The following COL9A1 variants were observed in gnomAD, a reference collection of about 807,000 sequenced individuals.
The protein encoded by COL9A1 is collagen alpha-1(IX) chain.
In COL9A1, 104 loss-of-function variants were observed where a neutral mutation model predicts 142.6. The observed-to-expected ratio is 0.73, with a 90% CI of 0.62 to 0.86. The LOEUF (loss-of-function observed/expected upper bound fraction) is 0.86. Among genes scored for constraint, COL9A1 ranks in the 40% least tolerant of loss-of-function variants. The pLI is 0.00. For missense variants in COL9A1, 1,210 were observed against 1,176.6 expected (o/e 1.03, Z -0.42); for synonymous variants, 466 against 396.0 (o/e 1.18, Z -2.10).
intron 37 of COL9A1, among the ~76,000 whole-genome samples, chr6:70,218,222 T>C (rs1768651309): frequency 6.6e-6 from 1 of 152,338 alleles, no homozygotes; most frequent in East Asian, 1.9e-4. Context: ...AAGATATTAT[T>C]GATTAATGTC....
In COL9A1 at chr6:70,217,060, T is replaced by C; in HGVS notation, c.2603A>G (p.Tyr868Cys). Residue 868 changes from tyrosine (Y) to cysteine (C), a missense_variant, in exon 38 of 38, where the codon TAT becomes TGT. Tyr to Cys is a radical substitution (Grantham distance 194). Transcript: ENST00000357250. ...CTCACCGTCTCGGCCATTTCTGCCA[T>C]AGCTGGCAGGGCCTGGGTCACCTGA... ...GLPGDPGPASYGRNGRDGERG... is the reference protein window; with the variant it reads ...GLPGDPGPASCGRNGRDGERG... 2 of 1,614,078 alleles carry C rather than the reference T, an allele frequency of 1.2e-6. No homozygotes were observed. The highest frequency in any genetic ancestry group is 1.7e-6 in the Non-Finnish European group (2 of 1,180,016).
intron 5 of COL9A1, among the ~76,000 whole-genome samples, chr6:70,291,333 G>A (rs1030577707): frequency 3.9e-5 from 6 of 152,064 alleles, no homozygotes; most frequent in Non-Finnish European, 5.9e-5. Flanking sequence ...TCTTCTCCTA[G>A]ATGATGTTTT....
intron 21 of COL9A1, among the ~76,000 whole-genome samples, chr6:70,255,811 T>C (rs1172203104): frequency 2.2e-5 from 3 of 134,688 alleles, no homozygotes. Flanking sequence ...TCTGTCGAAG[T>C]GATCTAGCTA....
In COL9A1 at chr6:70,295,602, T is replaced by A. The variant is rs115835357; in HGVS notation, c.300-1039A>T. ...TGCATCCGGCCCAGTTGTTCCTTAATCTGCCAACTAAGTCTGTATCATTGC... is the reference window on the plus strand; with the variant it reads ...TGCATCCGGCCCAGTTGTTCCTTAAACTGCCAACTAAGTCTGTATCATTGC... On this transcript the variant is annotated intron_variant, in intron 4 of 37. Transcript: ENST00000357250. 6.7e-3 allele frequency among the ~76,000 whole-genome samples: 1,026 copies of A among 152,222 alleles called. 15 individuals are homozygous for A. The highest frequency in any genetic ancestry group is 0.023 in the African/African-American group (951 of 41,546).
chr6:70,241,477 CT>C (rs1562296931), intron 30 of COL9A1, 23 bp from the exon 31 acceptor site: 1 of 1,599,120 alleles, frequency 6.3e-7, no homozygotes. Context: ...AAATATAATA[CT>C]TTTTCAGTAT....
At chr6:70,281,540 C>T in intron 7 of COL9A1, 76 bp from the exon 8 acceptor site, 1 of 1,178,686 alleles carries the variant, frequency 8.5e-7, no homozygotes, top group South Asian at 1.4e-5. Context: ...GCCCTGAAGC[C>T]CCCGCCTCCG....
chr6:70,249,949 G>A (rs557920872), intron 28 of COL9A1, among the ~76,000 whole-genome samples: 6 of 152,074 alleles, frequency 3.9e-5, no homozygotes, highest in South Asian at 4.1e-4. Context: ...TAACTATATA[G>A]AGCTTTCTGC....
chr6:70,277,526 T>G (rs1310499936), intron 10 of COL9A1, among the ~76,000 whole-genome samples: 3 of 152,208 alleles, frequency 2.0e-5, no homozygotes, highest in African/African-American at 7.2e-5. Flanking sequence ...CATATGAATA[T>G]TCATACAGAC....
At chr6:70,243,949 T>C (rs904333164) in intron 28 of COL9A1, among the ~76,000 whole-genome samples, 2 of 152,216 alleles carry the variant, frequency 1.3e-5, no homozygotes, top group African/African-American at 4.8e-5. Context: ...AATTTTTCTG[T>C]AAAATGACAT....
intron 10 of COL9A1, chr6:70,274,977 A>G (rs1772662447): frequency 1.2e-5 from 7 of 576,214 alleles, no homozygotes; most frequent in Non-Finnish European, 1.2e-5. Context: ...TTTCTTCTTG[A>G]TAAGTTGTAT....
Position 70,274,072 on chromosome 6 carries a change from C to G in COL9A1, c.1040G>C (p.Gly347Ala), listed in dbSNP as rs764474418. The change falls in exon 12 of 38, where the codon GGT (glycine) becomes GCT (alanine). Residue 347 changes from glycine to alanine, a missense_variant. Transcript: ENST00000357250. ...IGSKGQKGEPGVPGSRGFPGR... is the reference protein window; with the variant it reads ...IGSKGQKGEPAVPGSRGFPGR... ...TGGAAATCCACGCGATCCAGGCACA[C>G]CAGGTTCTCCCTAAAAATAAAAATA... The G allele has an allele frequency of 6.3e-7, 1 of 1,588,044 alleles. No homozygotes were observed. The highest frequency in any genetic ancestry group is 8.6e-7 in the Non-Finnish European group (1 of 1,165,568).
chr6:70,294,267 T>C lies in COL9A1; in HGVS notation c.596A>G (p.Asn199Ser), dbSNP rs1230735308. ...RSSATLFVDC[N>S]RIESLPIKPR... ...CTTTATAGGTAAAGATTCAATCCTG[T>C]TGCAGTCAACAAAAAGAGTAGCACT... The change falls in exon 5 of 38, where the codon AAC becomes AGC. Residue 199 changes from asparagine (N) to serine (S), a missense_variant. Coordinates refer to ENST00000357250, the MANE Select transcript of COL9A1 (RefSeq NM_001851.6). The C allele has an allele frequency of 1.9e-6, 3 of 1,613,974 alleles. No individual in the cohort carries two copies. Among genetic ancestry groups the C allele is most frequent in the Non-Finnish European group, 2.5e-6 (3 of 1,179,964 alleles).
At chr6:70,235,464 T>TAAC (rs1190018079) in intron 33 of COL9A1, among the ~76,000 whole-genome samples, 1 of 151,884 alleles carries the variant, frequency 6.6e-6, no homozygotes, top group Non-Finnish European at 1.5e-5. Context: ...AAAATTATAA[T>TAAC]AATAATAATA....
intron 19 of COL9A1, among the ~76,000 whole-genome samples, chr6:70,262,169 A>G (rs1362750141): frequency 6.6e-6 from 1 of 152,060 alleles, no homozygotes; most frequent in Non-Finnish European, 1.5e-5. Context: ...TCAGATCAAA[A>G]AAAAAAAGCA....
chr6:70,275,170 C>T (rs1254368063), intron 10 of COL9A1: 1 of 225,918 alleles, frequency 4.4e-6, no homozygotes, highest in South Asian at 6.9e-5. Context: ...ATTTATGAAA[C>T]AAAAATACTA....
At chr6:70,226,720 A>T (rs1195836481) in intron 36 of COL9A1, among the ~76,000 whole-genome samples, 1 of 152,186 alleles carries the variant, frequency 6.6e-6, no homozygotes, top group Non-Finnish European at 1.5e-5. Flanking sequence ...GGACACCAGA[A>T]GACTTGAAAA....
intron 25 of COL9A1, 52 bp downstream of exon 25, chr6:70,254,423 AT>A: frequency 6.5e-7 from 1 of 1,538,702 alleles, no homozygotes; most frequent in Middle Eastern, 1.7e-4. Flanking sequence ...CAAAATGTAT[AT>A]CTTTAAAACA....
chr6:70,285,361 A>G (rs1255378526), intron 5 of COL9A1, among the ~76,000 whole-genome samples: 1 of 152,260 alleles, frequency 6.6e-6, no homozygotes, highest in Non-Finnish European at 1.5e-5. Context: ...GGCATGAAAT[A>G]TGAATTCCAA....
intron 10 of COL9A1, chr6:70,280,048 A>G (rs1340016406): frequency 1.4e-6 from 1 of 694,204 alleles, no homozygotes; most frequent in African/African-American, 1.8e-5. Flanking sequence ...GTTAGAATGC[A>G]TGGAAAGAGG....
Sources: allele counts gnomAD v4.1 joint callset (sites outside exome capture counted in the v4.1 genomes callset), GRCh38; gene constraint gnomAD v4.1.1; transcripts MANE v1.5; gene names NCBI Gene and HGNC (gene_info 2026-07-23, HGNC 2026-07-21).